MEGF6: variants seen among roughly 807,000 people sequenced by gnomAD.
MEGF6 encodes multiple EGF like domains 6.
MEGF6 carries 184 observed loss-of-function variants against 207.1 expected under a neutral mutation model. That is an observed-to-expected ratio of 0.89 (90% confidence interval 0.79 to 1.00). The LOEUF (loss-of-function observed/expected upper bound fraction) is 1.00, where lower values mean the gene tolerates loss of function less well. Ranked by LOEUF, MEGF6 falls within the 50% of genes least tolerant of loss-of-function variation. MEGF6 has a pLI of 0.00. For missense variants in MEGF6, 2,282 were observed against 2,202.9 expected, an observed-to-expected ratio of 1.04 and a Z score of -0.72; for synonymous variants, 1,038 against 910.0, an observed-to-expected ratio of 1.14 and a Z score of -2.53.
intron 1 of MEGF6, among the ~76,000 whole-genome samples, chr1:3,605,561 T>TAC (rs1644235962): frequency 2.1e-5 from 1 of 47,286 alleles, no homozygotes; most frequent in East Asian, 8.5e-4. Flanking sequence ...CATACACTCA[T>TAC]ACACTCACAT....
chr1:3,570,415 C>T (rs988043924), intron 4 of MEGF6, among the ~76,000 whole-genome samples: 7 of 152,192 alleles, frequency 4.6e-5, no homozygotes, highest in Non-Finnish European at 1.0e-4. Flanking sequence ...AGAGGATGTG[C>T]GTGGAAAAGC....
intron 28 of MEGF6, 47 bp from the exon 29 acceptor site, chr1:3,496,830 C>T (rs780352119): frequency 3.2e-6 from 5 of 1,540,538 alleles, no homozygotes; most frequent in South Asian, 2.4e-5. Flanking sequence ...GGAGGCTTCC[C>T]CAGTGCCCCT....
At position 3,509,826 on chromosome 1, in the gene MEGF6, C is replaced by T. The variant is rs1215785879; in HGVS notation, c.1357+44G>A. The T allele has an allele frequency of 8.6e-6, 13 of 1,509,800 alleles. No individual in the cohort carries two copies. In the East Asian group the frequency reaches 1.2e-4, roughly 14 times the overall value. The allele number at this position is 1,509,800 out of a possible 1,614,324, so 93.5% of individuals were successfully genotyped here. A position where few individuals can be genotyped will look rare whatever the true frequency, so the allele number is the denominator to read the frequency against. On this transcript the variant is annotated intron_variant, in intron 11 of 36. Coordinates refer to ENST00000356575, the MANE Select transcript of MEGF6 (RefSeq NM_001409.4). ...GACGCAGGGTCAGCTGGGGCAAACT[C>T]GAGAAGGCAGAGGCCGGTGCTCCGC...
At chr1:3,593,748 AG>A (rs1444662616) in intron 3 of MEGF6, among the ~76,000 whole-genome samples, 2 of 152,040 alleles carry the variant, frequency 1.3e-5, no homozygotes, top group Admixed American at 6.5e-5. Flanking sequence ...CCCAGACGAC[AG>A]GAGCAAAGAA....
intron 8 of MEGF6, 50 bp from the exon 9 acceptor site, chr1:3,511,737 C>A (rs765047752): frequency 6.3e-7 from 1 of 1,574,868 alleles, no homozygotes; most frequent in East Asian, 2.3e-5. Flanking sequence ...TAGGATGACC[C>A]CCACCTACCT....
intron 4 of MEGF6, among the ~76,000 whole-genome samples, chr1:3,557,300 TG>T (rs765601720): frequency 1.3e-5 from 2 of 152,194 alleles, no homozygotes; most frequent in Non-Finnish European, 2.9e-5. Context: ...CCATTTGTCA[TG>T]GCAGCAAAAG....
chr1:3,550,110 A>G (rs780471115), intron 4 of MEGF6, among the ~76,000 whole-genome samples: 9 of 152,214 alleles, frequency 5.9e-5, no homozygotes, highest in Non-Finnish European at 1.3e-4. Flanking sequence ...TTCTATCAGC[A>G]GAAAGTAACG....
chr1:3,601,697 A>C (rs984974577), intron 2 of MEGF6, among the ~76,000 whole-genome samples: 1 of 152,182 alleles, frequency 6.6e-6, no homozygotes, highest in African/African-American at 2.4e-5. Context: ...ATTATTGCTT[A>C]ACGGTTTTTT....
chr1:3,537,230 G>A (rs766829254), intron 4 of MEGF6, among the ~76,000 whole-genome samples: 6 of 152,220 alleles, frequency 3.9e-5, no homozygotes, highest in Non-Finnish European at 7.4e-5. Context: ...CCTCCTCAGC[G>A]GGCAATCTCC....
At chr1:3,541,565 G>A (rs887700900) in intron 4 of MEGF6, among the ~76,000 whole-genome samples, 2 of 152,154 alleles carry the variant, frequency 1.3e-5, no homozygotes, top group South Asian at 2.1e-4. Flanking sequence ...TTGCCCACTC[G>A]TTTCTCCCGT....
intron 4 of MEGF6, among the ~76,000 whole-genome samples, chr1:3,532,198 C>T (rs1470339288): frequency 1.3e-5 from 2 of 152,248 alleles, no homozygotes; most frequent in African/African-American, 2.4e-5. Flanking sequence ...CCGGGGGAGG[C>T]AGTCCTCCCA....
chr1:3,514,848 G>A (rs959727059), intron 6 of MEGF6, among the ~76,000 whole-genome samples, 176 bp from the exon 7 acceptor site: 2 of 152,206 alleles, frequency 1.3e-5, no homozygotes, highest in African/African-American at 4.8e-5. Flanking sequence ...CCCCCAAGAC[G>A]CCGAGAAGAC....
intron 2 of MEGF6, among the ~76,000 whole-genome samples, chr1:3,600,666 C>T (rs1644142411): frequency 6.6e-6 from 1 of 152,170 alleles, no homozygotes; most frequent in Admixed American, 6.5e-5. Context: ...CCTCCAGCAG[C>T]TTGGGAGGGG....
intron 7 of MEGF6, 24 bp downstream of exon 7, chr1:3,514,526 C>T (rs1385592231): frequency 1.7e-5 from 27 of 1,575,720 alleles, no homozygotes; most frequent in South Asian, 4.6e-5. Context: ...CTGGGCGGGG[C>T]GGAGCAGGGG....
intron 4 of MEGF6, among the ~76,000 whole-genome samples, chr1:3,525,843 C>A (rs1641940586): frequency 6.6e-6 from 1 of 152,236 alleles, no homozygotes; most frequent in South Asian, 2.1e-4. Context: ...CCCAGCCTCT[C>A]ATGCCACCCT....
upstream of MEGF6, among the ~76,000 whole-genome samples, chr1:3,611,834 G>T (rs1263437906): frequency 1.3e-5 from 2 of 151,388 alleles, no homozygotes; most frequent in Non-Finnish European, 2.9e-5. Flanking sequence ...CGTCTCATGC[G>T]GAAAGTCCAA....
At chr1:3,528,168 G>A (rs1642029599) in intron 4 of MEGF6, among the ~76,000 whole-genome samples, 1 of 152,244 alleles carries the variant, frequency 6.6e-6, no homozygotes. Flanking sequence ...ACAGGGACAG[G>A]CACTGGGCCA....
At chr1:3,514,494 C>T in intron 7 of MEGF6, 56 bp downstream of exon 7, 1 of 1,527,780 alleles carries the variant, frequency 6.5e-7, no homozygotes, top group Admixed American at 1.9e-5. Context: ...CCCTCCACAG[C>T]ACCTGGGTGC....
rs760901142 is a variant in MEGF6 at position 3,498,762 on chromosome 1, G to A, written c.3159C>T (p.Thr1053=). The change falls in exon 25 of 37, where the codon ACC becomes ACT. Residue 1053 remains threonine (T), a synonymous_variant. Coordinates refer to ENST00000356575, the MANE Select transcript of MEGF6 (RefSeq NM_001409.4). Reference sequence around the variant, plus strand: ...CACAGTGGCCTGAGACAGGGTCACAGGTCCCTCCGTTCTGGCAGAGGCAGG... The same window carrying A: ...CACAGTGGCCTGAGACAGGGTCACAAGTCCCTCCGTTCTGGCAGAGGCAGG... The part of the protein sequence containing the change: ...RHSCLCQNGG[T]CDPVSGHCAC... 3 of 1,559,300 alleles carry A rather than the reference G, an allele frequency of 1.9e-6. No homozygotes were observed. Among genetic ancestry groups the A allele is most frequent in the Admixed American group, 1.9e-5 (1 of 52,508 alleles).
Sources: allele counts gnomAD v4.1 joint callset (sites outside exome capture counted in the v4.1 genomes callset), GRCh38; gene constraint gnomAD v4.1.1; transcripts MANE v1.5; gene names NCBI Gene and HGNC (gene_info 2026-07-23, HGNC 2026-07-21).